The following VANGL2 variants were observed in gnomAD, a reference collection of about 807,000 sequenced individuals.
VANGL2 encodes the protein vang-like protein 2.
In VANGL2, 14 loss-of-function variants were observed where a neutral mutation model predicts 50.2. The observed-to-expected ratio is 0.28, with a 90% CI of 0.18 to 0.44. The LOEUF is 0.44. VANGL2 is among the 20% of genes least tolerant of loss of function. The pLI, the probability that VANGL2 is intolerant of heterozygous loss-of-function variation, is 1.00. For synonymous variants in VANGL2, 295 were observed against 297.2 expected, an observed-to-expected ratio of 0.99 and a Z score of 0.08; for missense variants, 533 against 701.5, an observed-to-expected ratio of 0.76 and a Z score of 2.71.
Position 160,428,070 on chromosome 1 carries a change from T to A in VANGL2, c.*2692T>A, listed in dbSNP as rs1394582129. 6.5e-6 allele frequency: 1 copy of A among 152,820 alleles called. No individual in the cohort carries two copies. The highest frequency in any genetic ancestry group is 1.5e-5 in the Non-Finnish European group (1 of 68,140). 9.5% of individuals were successfully genotyped at this position (152,820 alleles called of 1,614,324 possible). ...TTTCCCTCTTGTCTCTCATTTTTTC[T>A]TCCCATTCCCCTCCCATTTCAGCCC... On this transcript the variant is annotated 3_prime_UTR_variant, in exon 8 of 8. Transcript: ENST00000368061.
chr1:160,407,402 A>G (rs917846655), intron 1 of VANGL2, among the ~76,000 whole-genome samples: 1 of 152,108 alleles, frequency 6.6e-6, no homozygotes, highest in African/African-American at 2.4e-5. Flanking sequence ...GTCACACTGC[A>G]TCTCACACCC....
intron 1 of VANGL2, among the ~76,000 whole-genome samples, chr1:160,406,075 A>T (rs2101946308): frequency 6.6e-6 from 1 of 152,294 alleles, no homozygotes; most frequent in South Asian, 2.1e-4. Flanking sequence ...TTCTGCATAC[A>T]TTATTTTGCT....
intron 5 of VANGL2, among the ~76,000 whole-genome samples, chr1:160,420,812 C>A (rs1651245411): frequency 6.6e-6 from 1 of 152,330 alleles, no homozygotes; most frequent in South Asian, 2.1e-4. Context: ...GCTCTCGGAG[C>A]TGCAGAACCC....
chr1:160,402,878 C>T (rs1293487674), intron 1 of VANGL2, among the ~76,000 whole-genome samples: 1 of 152,062 alleles, frequency 6.6e-6, no homozygotes, highest in Non-Finnish European at 1.5e-5. Flanking sequence ...AGCCTTCCCC[C>T]ATTGCACACT....
At position 160,425,416 on chromosome 1, in the gene VANGL2, TCCTGAGGGGGTGGGA is replaced by T; in HGVS notation, c.*39_*53del. ...AGGGGGAGTGGGAAACTCTGGGGGG[TCCTGAGGGGGTGGGA>T]GGGGGCTTGGTTCTCAGGCCCAGCC... On this transcript the variant is annotated 3_prime_UTR_variant, in exon 8 of 8. Transcript: ENST00000368061. The T allele has an allele frequency of 6.8e-6, 2 of 295,106 alleles. No individual in the cohort carries two copies. Among genetic ancestry groups the T allele is most frequent in the Non-Finnish European group, 1.2e-5 (2 of 170,624 alleles). 18.3% of individuals were successfully genotyped at this position (295,106 alleles called of 1,614,324 possible). A position where few individuals can be genotyped will look rare whatever the true frequency, so the allele number is the denominator to read the frequency against.
intron 6 of VANGL2, 30 bp downstream of exon 6, chr1:160,421,217 G>A (rs758246871): frequency 7.4e-6 from 12 of 1,611,512 alleles, no homozygotes; most frequent in Non-Finnish European, 1.0e-5. Context: ...GAGGAGAGGA[G>A]GTGCTTGTTG....
At chr1:160,404,691 T>C (rs1650593096) in intron 1 of VANGL2, among the ~76,000 whole-genome samples, 1 of 152,232 alleles carries the variant, frequency 6.6e-6, no homozygotes, top group Non-Finnish European at 1.5e-5. Flanking sequence ...CTTCCTTCGC[T>C]TAACATAATG....
chr1:160,419,174 C>T lies in VANGL2; in HGVS notation c.365C>T (p.Thr122Met), dbSNP rs1182443634. ...ACCCTGGCACTGCTGTCTTTCCTCA[C>T]GCCTCTGGCCTTCCTGCTGCTGCCC... ...GATLALLSFL[T>M]PLAFLLLPPL... Residue 122 changes from threonine (T) to methionine (M), a missense_variant, in exon 4 of 8, where the codon ACG becomes ATG. Transcript: ENST00000368061. This position sits in a 1 kb window ranked among gnomAD's most constrained non-coding sequence, Gnocchi z 5.8. 6.2e-7 allele frequency: 1 copy of T among 1,613,866 alleles called. No homozygotes were observed. Among genetic ancestry groups the T allele is most frequent in the Non-Finnish European group, 8.5e-7 (1 of 1,180,002 alleles).
chr1:160,407,281 GA>G (rs1438831547), intron 1 of VANGL2, among the ~76,000 whole-genome samples: 1 of 152,162 alleles, frequency 6.6e-6, no homozygotes, highest in East Asian at 1.9e-4. Context: ...CTTTCAGCTG[GA>G]TCTGGTTTTC....
In VANGL2 at chr1:160,419,754, A is replaced by G; in HGVS notation, c.800+145A>G. ...GGAGGGAGTTGAGTACTTTGCACCA[A>G]GTAGGTTTTCACCAATGTTTGCTGC... On this transcript the variant is annotated intron_variant, in intron 4 of 7. Coordinates refer to ENST00000368061, the MANE Select transcript of VANGL2 (RefSeq NM_020335.3). This position sits in a 1 kb window ranked among gnomAD's most constrained non-coding sequence, Gnocchi z 5.8. 7.7e-7 allele frequency: 1 copy of G among 1,293,540 alleles called. No individual in the cohort carries two copies. The highest frequency in any genetic ancestry group is 1.0e-6 in the Non-Finnish European group (1 of 966,518). 80.1% of individuals were successfully genotyped at this position (1,293,540 alleles called of 1,614,324 possible). A position where few individuals can be genotyped will look rare whatever the true frequency, so the allele number is the denominator to read the frequency against.
Position 160,419,197 on chromosome 1 carries a change from C to A in VANGL2, c.388C>A (p.Pro130Thr). 1 of 1,613,282 alleles carries A rather than the reference C, an allele frequency of 6.2e-7. No homozygotes were observed. The highest frequency in any genetic ancestry group is 8.5e-7 in the Non-Finnish European group (1 of 1,180,016). ...FLTPLAFLLL[P>T]PLLWREELEP... ...CACGCCTCTGGCCTTCCTGCTGCTG[C>A]CCCCACTGCTGTGGCGGGAGGAGCT... The change falls in exon 4 of 8, where the codon CCC (proline) becomes ACC (threonine). Residue 130 changes from proline (P) to threonine (T), a missense_variant. Physicochemically the swap from Pro to Thr is conservative, Grantham distance 38. Coordinates refer to ENST00000368061, the MANE Select transcript of VANGL2 (RefSeq NM_020335.3). The surrounding 1 kb of genome is among the most constrained non-coding windows in gnomAD (Gnocchi z 5.8).
At chr1:160,422,977 C>T (rs537422411) in intron 6 of VANGL2, among the ~76,000 whole-genome samples, 2 of 151,766 alleles carry the variant, frequency 1.3e-5, no homozygotes, top group South Asian at 4.2e-4. Context: ...ATGATCTCAG[C>T]TCACTGCAAC....
At chr1:160,417,311 G>C (rs766986750) in intron 3 of VANGL2, among the ~76,000 whole-genome samples, 5 of 152,192 alleles carry the variant, frequency 3.3e-5, no homozygotes, top group Admixed American at 2.6e-4. Flanking sequence ...TGGGTGTCAG[G>C]TTGTGATTCC....
At chr1:160,411,514 C>G (rs929571786) in intron 1 of VANGL2, among the ~76,000 whole-genome samples, 1 of 152,136 alleles carries the variant, frequency 6.6e-6, no homozygotes, top group Non-Finnish European at 1.5e-5. Context: ...CTCCTCCCTC[C>G]TCCCAGGCCC....
At position 160,419,605 on chromosome 1, in the gene VANGL2, C is replaced by T. The variant is rs1651195436; in HGVS notation, c.796C>T (p.Leu266Phe). ...GASRFYNVGH[L>F]SIQRVAVWIL... ...CAGCCGCTTCTACAACGTTGGCCAT[C>T]TCAGGTACTAGCCCACGGCTGGAGA... The change falls in exon 4 of 8, where the codon CTC becomes TTC. Residue 266 changes from leucine (L) to phenylalanine (F), a missense_variant. Physicochemically the swap from Leu to Phe is conservative, Grantham distance 22 (BLOSUM62 0). Transcript: ENST00000368061. The surrounding 1 kb of genome is among the most constrained non-coding windows in gnomAD (Gnocchi z 5.8). The T allele has an allele frequency of 6.3e-7, 1 of 1,598,810 alleles. No homozygotes were observed. Among genetic ancestry groups the T allele is most frequent in the African/African-American group, 1.3e-5 (1 of 74,976 alleles).
chr1:160,420,654 A>G, intron 5 of VANGL2, 107 bp downstream of exon 5: 1 of 1,540,992 alleles, frequency 6.5e-7, no homozygotes, highest in Non-Finnish European at 8.9e-7. Flanking sequence ...TCCTTAGCCC[A>G]TGTTCTAGCC....
intron 1 of VANGL2, among the ~76,000 whole-genome samples, chr1:160,415,059 G>A (rs919042962): frequency 9.2e-5 from 14 of 152,142 alleles, no homozygotes; most frequent in Non-Finnish European, 1.6e-4. Flanking sequence ...GCATATGTGT[G>A]GCAACCTCAA....
chr1:160,404,100 T>C (rs997609052), intron 1 of VANGL2, among the ~76,000 whole-genome samples: 3 of 152,266 alleles, frequency 2.0e-5, no homozygotes, highest in East Asian at 3.9e-4. Context: ...ATAATCATCA[T>C]TAAGGGAGAG....
rs372637342 is a variant in VANGL2, at chr1:160,425,338, A to T, written c.1526A>T (p.His509Leu). The change falls in exon 8 of 8, where the codon CAC becomes CTC. Residue 509 changes from histidine to leucine, a missense_variant. Transcript: ENST00000368061. The part of the protein sequence containing the change: ...LSEEFVDPKS[H>L]KFVMRLQSET... Reference sequence around the variant, plus strand: ...GAGGAATTTGTGGATCCCAAGTCACACAAGTTTGTCATGAGGCTGCAGTCT... The same window carrying T: ...GAGGAATTTGTGGATCCCAAGTCACTCAAGTTTGTCATGAGGCTGCAGTCT... 2 of 1,596,472 alleles carry T rather than the reference A, an allele frequency of 1.3e-6. No individual in the cohort carries two copies. The highest frequency in any genetic ancestry group is 2.7e-5 in the African/African-American group (2 of 73,444).
Sources: gnomAD v4.1 joint callset for allele counts (sites outside exome capture counted in the v4.1 genomes callset) on GRCh38, gnomAD v4.1.1 for gene constraint, Gnocchi (gnomAD v3.1) non-coding constraint, MANE v1.5 for transcripts, NCBI Gene and HGNC (gene_info 2026-07-23, HGNC 2026-07-21) for gene names.